Variants in VWA3B observed in about 807,000 individuals in gnomAD.
The protein encoded by VWA3B is von Willebrand factor A domain containing 3B.
In VWA3B, 138 loss-of-function variants were observed where a neutral mutation model predicts 158.3. The observed-to-expected ratio is 0.87, with a 90% CI of 0.76 to 1.00. VWA3B has a LOEUF of 1.00. VWA3B is among the 50% of genes least tolerant of loss of function. The pLI, the probability that VWA3B is intolerant of heterozygous loss-of-function variation, is 0.00. For synonymous variants in VWA3B, 596 were observed against 587.3 expected (o/e 1.01, Z -0.21); for missense variants, 1,555 against 1,565.1 (o/e 0.99, Z 0.11).
At chr2:98,245,464 G>A in intron 19 of VWA3B, 1 of 441,372 alleles carries the variant, frequency 2.3e-6, no homozygotes, top group East Asian at 7.0e-5. Flanking sequence ...TCGAAGTGTG[G>A]GGTATGACTT....
chr2:98,188,070 A>G lies in VWA3B; in HGVS notation c.1407A>G (p.Lys469=), dbSNP rs1681262982. The change falls in exon 10 of 28, where the codon AAA becomes AAG. Residue 469 remains lysine (K), a synonymous_variant. Coordinates refer to ENST00000477737, the MANE Select transcript of VWA3B (RefSeq NM_144992.5). ...DGSLVHVNIT[K]EKCKWYSERI... ...GCTTGGTCCACGTCAACATTACCAA[A>G]GAGAAGTGCAAGTGGTACAGTGAGA... 6.2e-7 allele frequency: 1 copy of G among 1,614,066 alleles called. No individual in the cohort carries two copies. The highest frequency in any genetic ancestry group is 8.5e-7 in the Non-Finnish European group (1 of 1,179,970).
At chr2:98,139,032 G>A (rs566345995) in intron 7 of VWA3B, among the ~76,000 whole-genome samples, 1 of 152,220 alleles carries the variant, frequency 6.6e-6, no homozygotes, top group African/African-American at 2.4e-5. Flanking sequence ...CCGGGGCTGC[G>A]CGTGGAGCTT....
At chr2:98,252,099 A>T (rs1686835913) in intron 20 of VWA3B, among the ~76,000 whole-genome samples, 1 of 151,720 alleles carries the variant, frequency 6.6e-6, no homozygotes, top group South Asian at 2.1e-4. Context: ...AGCACCAATG[A>T]TCCTTCTCAG....
At chr2:98,229,559 G>C (rs535610662) in intron 15 of VWA3B, among the ~76,000 whole-genome samples, 1 of 152,226 alleles carries the variant, frequency 6.6e-6, no homozygotes, top group Non-Finnish European at 1.5e-5. Flanking sequence ...CTGGGATCTG[G>C]TGCTGGCATG....
At chr2:98,321,351 G>A in the VWA3B span, among the ~76,000 whole-genome samples, 1 of 152,214 alleles carries the variant, frequency 6.6e-6, no homozygotes, top group Non-Finnish European at 1.5e-5. Flanking sequence ...ATTGCCTAGT[G>A]GAGCTGTGAG....
chr2:98,312,584 A>C lies in VWA3B; in HGVS notation c.*235A>C. On this transcript the variant is annotated 3_prime_UTR_variant, in exon 28 of 28. Transcript: ENST00000477737. ...GTTCTTTATCCTGTTTTCCCCCTGC[A>C]CTCACAAAATTGTATTCCATCTTCT... 1 of 487,552 alleles carries C rather than the reference A, an allele frequency of 2.1e-6. No individual in the cohort carries two copies. Among genetic ancestry groups the C allele is most frequent in the South Asian group, 4.6e-5 (1 of 21,734 alleles). 30.2% of individuals were successfully genotyped at this position (487,552 alleles called of 1,614,324 possible).
chr2:98,247,584 C>A (rs1458571065), intron 19 of VWA3B, among the ~76,000 whole-genome samples: 1 of 152,096 alleles, frequency 6.6e-6, no homozygotes, highest in African/African-American at 2.4e-5. Flanking sequence ...ATATAAAAGT[C>A]TCTGTTAACT....
At chr2:98,211,522 T>G (rs1377251582) in intron 12 of VWA3B, among the ~76,000 whole-genome samples, 5 of 152,238 alleles carry the variant, frequency 3.3e-5, no homozygotes, top group Admixed American at 3.3e-4. Flanking sequence ...CACACTCACG[T>G]TTACCAAATA....
At position 98,251,743 on chromosome 2, in the gene VWA3B, C is replaced by T. The variant is rs115828535; in HGVS notation, c.2792+1307C>T. 6.8e-3 allele frequency among the ~76,000 whole-genome samples: 1,041 copies of T among 152,294 alleles called. 15 individuals carry two copies. The highest frequency in any genetic ancestry group is 0.024 in the African/African-American group (992 of 41,528). ...AGTCAAACAAATATAAGGCCTGATC[C>T]TGCCCCACGAAGGATCATTCCAACG... On this transcript the variant is annotated intron_variant, in intron 20 of 27. Coordinates refer to ENST00000477737, the MANE Select transcript of VWA3B (RefSeq NM_144992.5).
intron 8 of VWA3B, among the ~76,000 whole-genome samples, chr2:98,163,577 A>G (rs1028825865): frequency 2.6e-5 from 4 of 152,144 alleles, no homozygotes; most frequent in African/African-American, 9.7e-5. Context: ...AACAAAACAG[A>G]TTCTTGACAA....
At chr2:98,116,468 C>T (rs771950855) in intron 3 of VWA3B, among the ~76,000 whole-genome samples, 6 of 152,004 alleles carry the variant, frequency 3.9e-5, no homozygotes, top group Non-Finnish European at 5.9e-5. Context: ...GGTCTCTTTA[C>T]GTAATCCTAT....
intron 23 of VWA3B, among the ~76,000 whole-genome samples, chr2:98,293,732 G>A (rs1173056211): frequency 2.0e-5 from 3 of 151,998 alleles, no homozygotes; most frequent in Non-Finnish European, 4.4e-5. Flanking sequence ...TTAAGAGTAA[G>A]AATAATCTCT....
At chr2:98,151,341 G>A (rs1217588566) in intron 7 of VWA3B, among the ~76,000 whole-genome samples, 1 of 152,176 alleles carries the variant, frequency 6.6e-6, no homozygotes, top group Non-Finnish European at 1.5e-5. Flanking sequence ...CTTACCTTTA[G>A]TGATCCGCCT....
chr2:98,298,374 A>ATTCTG (rs1689949912), intron 24 of VWA3B, among the ~76,000 whole-genome samples: 1 of 20,126 alleles, frequency 5.0e-5, no homozygotes, highest in Non-Finnish European at 1.1e-4. Context: ...ACTACAAAAG[A>ATTCTG]TTCTATTCTA....
intron 7 of VWA3B, among the ~76,000 whole-genome samples, chr2:98,146,034 C>G (rs1222928832): frequency 6.6e-6 from 1 of 152,016 alleles, no homozygotes; most frequent in Non-Finnish European, 1.5e-5. Flanking sequence ...TGCACCTAGC[C>G]CTTTCCTAAT....
intron 25 of VWA3B, among the ~76,000 whole-genome samples, 178 bp from the exon 26 acceptor site, chr2:98,303,524 C>T (rs1406013990): frequency 6.6e-6 from 1 of 151,790 alleles, no homozygotes; most frequent in Non-Finnish European, 1.5e-5. Flanking sequence ...TCAATGATGA[C>T]TTTTATTCAG....
chr2:98,179,227 A>G, intron 8 of VWA3B: 1 of 471,196 alleles, frequency 2.1e-6, no homozygotes, highest in African/African-American at 2.0e-5. Flanking sequence ...ACCCCTGAGT[A>G]GCTCATTCTC....
chr2:98,115,692 T>A lies in VWA3B; in HGVS notation c.237T>A (p.Tyr79Ter). 1 of 1,613,916 alleles carries A rather than the reference T, an allele frequency of 6.2e-7. No individual in the cohort carries two copies. Among genetic ancestry groups the A allele is most frequent in the South Asian group, 1.1e-5 (1 of 91,086 alleles). The change falls in exon 3 of 28, where the codon TAT becomes TAA. Residue 79 changes from tyrosine (Y) to a stop codon, truncating the protein, a stop_gained. Transcript: ENST00000477737. LOFTEE classifies it high-confidence loss of function. Reference protein sequence around the residue: ...ASLGRPVASRYADGLFPQLYR... With the variant: ...ASLGRPVASR ...TGGGGAGACCTGTGGCTTCTCGGTA[T>A]GCTGATGGTCTGTTTCCACAGCTCT...
chr2:98,108,883 T>C (rs1452338584), intron 2 of VWA3B, among the ~76,000 whole-genome samples: 2 of 152,064 alleles, frequency 1.3e-5, no homozygotes, highest in African/African-American at 4.8e-5. Context: ...CCATTTTATT[T>C]TTCGTTTTCT....
Sources: gnomAD v4.1 joint callset for allele counts (sites outside exome capture counted in the v4.1 genomes callset) on GRCh38, gnomAD v4.1.1 for gene constraint, MANE v1.5 for transcripts, NCBI Gene and HGNC (gene_info 2026-07-23, HGNC 2026-07-21) for gene names.